The following MYRIP variants were observed in gnomAD, a reference collection of about 807,000 sequenced individuals.
MYRIP encodes rab effector MyRIP.
In MYRIP, 49 loss-of-function variants were observed where a neutral mutation model predicts 98.0. The ratio of observed to expected loss-of-function variants is 0.50; its 90% CI spans 0.40 to 0.63. The LOEUF is 0.63. Ranked by LOEUF, MYRIP falls within the 30% of genes least tolerant of loss-of-function variation. The pLI is 0.00. For missense variants in MYRIP, 1,004 were observed against 1,058.2 expected, an observed-to-expected ratio of 0.95 and a Z score of 0.71; for synonymous variants, 404 against 409.5, an observed-to-expected ratio of 0.99 and a Z score of 0.16.
chr3:40,226,369 C>T (rs1241643276), intron 11 of MYRIP, among the ~76,000 whole-genome samples: 1 of 152,148 alleles, frequency 6.6e-6, no homozygotes, highest in African/African-American at 2.4e-5. Context: ...TCACTGCAGC[C>T]ACCATGTTCT....
chr3:40,188,621 T>C (rs1177980513), intron 9 of MYRIP, among the ~76,000 whole-genome samples: 2 of 151,978 alleles, frequency 1.3e-5, no homozygotes, highest in African/African-American at 2.4e-5. Context: ...CTACTAAAAA[T>C]GCATAAGTAG....
chr3:39,909,462 TGAA>T (rs1262519693), intron 2 of MYRIP, among the ~76,000 whole-genome samples: 1 of 152,154 alleles, frequency 6.6e-6, no homozygotes, highest in Admixed American at 6.5e-5. Flanking sequence ...TATTAGCCCT[TGAA>T]GAAGAGTCCA....
chr3:40,141,533 G>C (rs1949894950), intron 3 of MYRIP, among the ~76,000 whole-genome samples: 1 of 152,172 alleles, frequency 6.6e-6, no homozygotes, highest in African/African-American at 2.4e-5. Flanking sequence ...TCAATGTCCA[G>C]AAGTATTTCC....
intron 3 of MYRIP, among the ~76,000 whole-genome samples, chr3:40,128,818 A>C (rs1322886725): frequency 6.6e-6 from 1 of 152,194 alleles, no homozygotes; most frequent in East Asian, 1.9e-4. Context: ...CATGGATTTT[A>C]ATTGCTGCTG....
chr3:39,817,607 A>G (rs1471191583), intron 1 of MYRIP, among the ~76,000 whole-genome samples: 1 of 152,198 alleles, frequency 6.6e-6, no homozygotes, highest in Non-Finnish European at 1.5e-5. Flanking sequence ...ATATTTCAAG[A>G]TAAAATCAAT....
At chr3:39,982,405 C>T (rs936326861) in intron 2 of MYRIP, among the ~76,000 whole-genome samples, 4 of 152,112 alleles carry the variant, frequency 2.6e-5, no homozygotes. Context: ...TTGACATTTT[C>T]GTTAATGGAA....
At chr3:40,043,921 G>A in intron 2 of MYRIP, 129 bp from the exon 3 acceptor site, 2 of 702,128 alleles carry the variant, frequency 2.8e-6, no homozygotes, top group East Asian at 2.7e-5. Context: ...GAGTTCTCTT[G>A]TTCTCCAGGA....
At chr3:39,957,351 C>T (rs1027135857) in intron 2 of MYRIP, among the ~76,000 whole-genome samples, 1 of 149,974 alleles carries the variant, frequency 6.7e-6, no homozygotes, top group Non-Finnish European at 1.5e-5. Context: ...GGCTTCATCC[C>T]TGGGATGCAA....
intron 1 of MYRIP, among the ~76,000 whole-genome samples, chr3:39,872,047 T>G (rs978622975): frequency 6.6e-6 from 1 of 152,034 alleles, no homozygotes; most frequent in Non-Finnish European, 1.5e-5. Context: ...GCCTGGAGTT[T>G]CATTTATGAA....
At chr3:40,064,236 ACCCAAGGTAATTTT>A (rs994253516) in intron 3 of MYRIP, among the ~76,000 whole-genome samples, 20 of 151,988 alleles carry the variant, frequency 1.3e-4, no homozygotes, top group African/African-American at 4.6e-4. Context: ...ACAGTAATTT[ACCCAAGGTAATTTT>A]CCAAGTAAGG....
At chr3:39,835,323 A>T (rs529155225) in intron 1 of MYRIP, among the ~76,000 whole-genome samples, 6 of 150,822 alleles carry the variant, frequency 4.0e-5, no homozygotes, top group Admixed American at 2.0e-4. Flanking sequence ...TGTTTTAAAA[A>T]CTGTATTCTG....
At chr3:40,250,624 T>G in intron 15 of MYRIP, 125 bp downstream of exon 15, 1 of 1,153,980 alleles carries the variant, frequency 8.7e-7, no homozygotes, top group East Asian at 2.5e-5. Flanking sequence ...ATTGCTCTTG[T>G]CTATCTTGAT....
intron 2 of MYRIP, among the ~76,000 whole-genome samples, chr3:39,913,795 G>A (rs1011003800): frequency 5.9e-5 from 9 of 152,152 alleles, no homozygotes; most frequent in Admixed American, 1.3e-4. Context: ...CACCTTGCAC[G>A]AGGACAATAA....
intron 3 of MYRIP, among the ~76,000 whole-genome samples, chr3:40,084,883 A>G (rs1948587786): frequency 9.2e-6 from 1 of 108,262 alleles, no homozygotes; most frequent in Admixed American, 1.1e-4. Context: ...TATGTGTTAC[A>G]TGTCGATAGA....
chr3:40,209,778 C>A, intron 10 of MYRIP, 76 bp from the exon 11 acceptor site: 2 of 1,577,100 alleles, frequency 1.3e-6, no homozygotes, highest in Non-Finnish European at 1.7e-6. Flanking sequence ...TTCCTTTACT[C>A]AGGGGTTATT....
chr3:39,926,279 T>C (rs914782865), intron 2 of MYRIP, among the ~76,000 whole-genome samples: 3 of 152,110 alleles, frequency 2.0e-5, no homozygotes, highest in African/African-American at 7.2e-5. Context: ...TCCCATTCTG[T>C]GGGTCATTTG....
intron 1 of MYRIP, among the ~76,000 whole-genome samples, chr3:39,866,366 A>AC (rs1942623020): frequency 6.6e-6 from 1 of 152,182 alleles, no homozygotes; most frequent in South Asian, 2.1e-4. Flanking sequence ...AATTCAGCAA[A>AC]CCTGCAGGAT....
intron 3 of MYRIP, among the ~76,000 whole-genome samples, chr3:40,083,158 G>T (rs146472915): frequency 6.6e-6 from 1 of 152,142 alleles, no homozygotes; most frequent in African/African-American, 2.4e-5. Context: ...AACAAAACAG[G>T]CATAATTCTA....
chr3:39,824,601 G>A (rs1016881773), intron 1 of MYRIP, among the ~76,000 whole-genome samples: 2 of 151,860 alleles, frequency 1.3e-5, no homozygotes, highest in African/African-American at 4.8e-5. Context: ...TAGGAACCAG[G>A]TATTTTGTTT....
Sources: allele counts gnomAD v4.1 joint callset (sites outside exome capture counted in the v4.1 genomes callset), GRCh38; gene constraint gnomAD v4.1.1; transcripts MANE v1.5; gene names NCBI Gene and HGNC (gene_info 2026-07-23, HGNC 2026-07-21).